The following CLIP4 variants were observed in gnomAD, a reference collection of about 807,000 sequenced individuals.
CLIP4 encodes CAP-Gly domain-containing linker protein 4.
CLIP4 carries 47 observed loss-of-function variants against 73.1 expected under a neutral mutation model. The observed-to-expected ratio is 0.64, with a 90% CI of 0.51 to 0.82. The LOEUF is 0.82. CLIP4 is among the 40% of genes least tolerant of loss of function. CLIP4 has a pLI of 0.00. For missense variants in CLIP4, 874 were observed against 852.9 expected, an observed-to-expected ratio of 1.02 and a Z score of -0.31; for synonymous variants, 306 against 295.4, an observed-to-expected ratio of 1.04 and a Z score of -0.37.
intron 1 of CLIP4, among the ~76,000 whole-genome samples, chr2:29,104,107 T>C (rs925581571): frequency 6.6e-6 from 1 of 152,152 alleles, no homozygotes; most frequent in Non-Finnish European, 1.5e-5. Context: ...TCTATCTTAC[T>C]TCTCATTTTT....
At chr2:29,135,749 T>C (rs1031685457) in intron 6 of CLIP4, 83 bp downstream of exon 6, 11 of 926,886 alleles carry the variant, frequency 1.2e-5, no homozygotes, top group Non-Finnish European at 1.5e-5. Context: ...CTGAATGTTA[T>C]TAATAGAAGA....
rs749654045 is a variant in CLIP4 at position 29,131,436 on chromosome 2, A to G, written c.273+39A>G. 1.5e-5 allele frequency: 23 copies of G among 1,564,590 alleles called. No homozygotes were observed. The African/African-American group carries it at 2.9e-4, about 20-fold the overall frequency. ...ACATTTTAAGTTTTGCATTGTTAGG[A>G]TTGTTAATGGTATAGATTTTTTTCC... is the stretch of plus-strand genomic sequence containing the variant. On this transcript the variant is annotated intron_variant, in intron 3 of 15. Coordinates refer to ENST00000320081, the MANE Select transcript of CLIP4 (RefSeq NM_024692.6).
intron 4 of CLIP4, among the ~76,000 whole-genome samples, chr2:29,133,154 C>T (rs146780938): frequency 6.6e-6 from 1 of 152,262 alleles, no homozygotes; most frequent in East Asian, 1.9e-4. Context: ...TATCACTACA[C>T]TGCAATCTGG....
At position 29,116,364 on chromosome 2, in the gene CLIP4, A is replaced by G. The variant is rs74645903; in HGVS notation, c.-16+699A>G. Among the ~76,000 whole-genome samples, 28 of 152,358 alleles carry G rather than the reference A, an allele frequency of 1.8e-4. 2 individuals are homozygous for G. The East Asian group carries it at 5.2e-3, about 28-fold the overall frequency. On this transcript the variant is annotated intron_variant, in intron 1 of 15. Transcript: ENST00000320081. ...ATACGTATCAGAGGATGATGTTCCTATGGGACAATAACTTGCTGTATGTTC... is the reference window on the plus strand; with the variant it reads ...ATACGTATCAGAGGATGATGTTCCTGTGGGACAATAACTTGCTGTATGTTC...
chr2:29,128,297 A>G lies in CLIP4; in HGVS notation c.134-2961A>G, dbSNP rs142629367. ...GACTTCATTCAGAATTTGATTTTTG[A>G]GACGTTTATAAAAAGAATACCCAAA... On this transcript the variant is annotated intron_variant, in intron 2 of 15. Coordinates refer to ENST00000320081, the MANE Select transcript of CLIP4 (RefSeq NM_024692.6). Among the ~76,000 whole-genome samples, 477 of 151,712 alleles carry G rather than the reference A, an allele frequency of 3.1e-3. 3 individuals carry two copies. The highest frequency in any genetic ancestry group is 0.011 in the African/African-American group (460 of 41,436).
intron 1 of CLIP4, among the ~76,000 whole-genome samples, chr2:29,107,358 G>GTTTTGTTT (rs1668239932): frequency 7.7e-5 from 5 of 65,352 alleles, no homozygotes; most frequent in Non-Finnish European, 1.5e-4. Context: ...GAACATGATA[G>GTTTTGTTT]TTTTTTTTTT....
chr2:29,099,430 A>G (rs1211186023), intron 1 of CLIP4, among the ~76,000 whole-genome samples: 1 of 152,214 alleles, frequency 6.6e-6, no homozygotes, highest in African/African-American at 2.4e-5. Context: ...GTGGTTGTCC[A>G]GTTGTTCTAG....
chr2:29,172,493 C>T (rs2148097970), intron 14 of CLIP4, among the ~76,000 whole-genome samples: 1 of 152,236 alleles, frequency 6.6e-6, no homozygotes, highest in Non-Finnish European at 1.5e-5. Flanking sequence ...GAGACGTCAC[C>T]TGTGAGTCTA....
intron 2 of CLIP4, among the ~76,000 whole-genome samples, chr2:29,125,285 A>G (rs996629355): frequency 9.9e-5 from 15 of 152,134 alleles, no homozygotes; most frequent in African/African-American, 3.4e-4. Context: ...TTCTTTTTCA[A>G]TCTTCCTTGT....
Position 29,145,355 on chromosome 2 carries a change from G to A in CLIP4, c.1009G>A (p.Ala337Thr). Residue 337 changes from alanine to threonine, a missense_variant, in exon 8 of 16, where the codon GCC (alanine) becomes ACC (threonine). By Grantham distance (58) the Ala-to-Thr change is moderately conservative. Transcript: ENST00000320081. ...SVGKVQYFKCAPKYGIFAPLS... is the reference protein window; with the variant it reads ...SVGKVQYFKCTPKYGIFAPLS... ...TGGAAAAGTCCAGTACTTTAAATGT[G>A]CCCCCAAGTATGGTAAGGTTGATAT... 1.9e-6 allele frequency: 3 copies of A among 1,609,318 alleles called. No individual in the cohort carries two copies. Among genetic ancestry groups the A allele is most frequent in the East Asian group, 4.5e-5 (2 of 44,806 alleles).
chr2:29,170,915 T>C (rs1291853259), intron 14 of CLIP4, among the ~76,000 whole-genome samples: 1 of 152,176 alleles, frequency 6.6e-6, no homozygotes, highest in African/African-American at 2.4e-5. Flanking sequence ...CTAATTTATA[T>C]TGGGCTATTT....
chr2:29,153,796 A>C (rs769823162), intron 9 of CLIP4, among the ~76,000 whole-genome samples: 3 of 152,294 alleles, frequency 2.0e-5, no homozygotes, highest in African/African-American at 4.8e-5. Flanking sequence ...CCCTGTGTCA[A>C]TACTGCACTC....
intron 5 of CLIP4, 125 bp from the exon 6 acceptor site, chr2:29,135,423 C>G: frequency 3.8e-6 from 2 of 530,104 alleles, no homozygotes; most frequent in Non-Finnish European, 6.5e-6. Flanking sequence ...GAAATCATGC[C>G]TCTAGTGGGT....
chr2:29,158,754 A>G (rs1667102076), intron 11 of CLIP4, among the ~76,000 whole-genome samples: 1 of 152,216 alleles, frequency 6.6e-6, no homozygotes, highest in Non-Finnish European at 1.5e-5. Flanking sequence ...CGGCCTCATC[A>G]TATCCCATTG....
intron 9 of CLIP4, among the ~76,000 whole-genome samples, chr2:29,155,606 AT>A (rs1290613843): frequency 6.6e-6 from 1 of 152,092 alleles, no homozygotes; most frequent in Non-Finnish European, 1.5e-5. Context: ...TAAAGAAAAT[AT>A]TTTATAACTG....
chr2:29,123,833 A>G (rs1320506330), intron 2 of CLIP4, among the ~76,000 whole-genome samples: 1 of 152,208 alleles, frequency 6.6e-6, no homozygotes, highest in Non-Finnish European at 1.5e-5. Context: ...CACAGAAACC[A>G]GAGTTGAGGC....
At chr2:29,178,651 A>G (rs1336440381) in intron 15 of CLIP4, among the ~76,000 whole-genome samples, 1 of 152,194 alleles carries the variant, frequency 6.6e-6, no homozygotes, top group Non-Finnish European at 1.5e-5. Flanking sequence ...TTTTTATGGC[A>G]CAATAATAAA....
chr2:29,143,399 T>TG (rs1665915255), intron 6 of CLIP4, among the ~76,000 whole-genome samples: 1 of 24,586 alleles, frequency 4.1e-5, no homozygotes, highest in Admixed American at 5.4e-4. Flanking sequence ...TCCCCTTCCC[T>TG]GTTTTTTTTT....
rs1668691281 is a variant in CLIP4 at position 29,182,481 on chromosome 2, C to T, written c.*588C>T. The T allele has an allele frequency of 6.6e-6, 1 of 152,324 alleles. No individual in the cohort carries two copies. The highest frequency in any genetic ancestry group is 2.4e-5 in the African/African-American group (1 of 41,416). 9.4% of individuals were successfully genotyped at this position (152,324 alleles called of 1,614,324 possible). ...GTTGGAAGGGGCCTTAGAGGCTCTCCAGCTCTGCTTCTTGCCCATTGCCAA... is the reference window on the plus strand; with the variant it reads ...GTTGGAAGGGGCCTTAGAGGCTCTCTAGCTCTGCTTCTTGCCCATTGCCAA... On this transcript the variant is annotated 3_prime_UTR_variant, in exon 16 of 16. Transcript: ENST00000320081.
Sources: gnomAD v4.1 joint callset for allele counts (sites outside exome capture counted in the v4.1 genomes callset) on GRCh38, gnomAD v4.1.1 for gene constraint, MANE v1.5 for transcripts, NCBI Gene and HGNC (gene_info 2026-07-23, HGNC 2026-07-21) for gene names.